The following LRBA variants were observed in gnomAD, a reference collection of about 807,000 sequenced individuals.
LRBA encodes LPS responsive beige-like anchor protein, also known as lipopolysaccharide-responsive and beige-like anchor protein.
LRBA carries 176 observed loss-of-function variants against 330.0 expected under a neutral mutation model. The observed-to-expected ratio is 0.53, with a 90% CI of 0.47 to 0.60. The LOEUF (loss-of-function observed/expected upper bound fraction) is 0.60. Ranked by LOEUF, LRBA falls within the 20% of genes least tolerant of loss-of-function variation. The pLI, the probability that LRBA is intolerant of heterozygous loss-of-function variation, is 0.00. For synonymous variants in LRBA, 1,230 were observed against 1,193.0 expected (o/e 1.03, Z -0.64); for missense variants, 3,259 against 3,444.8 (o/e 0.95, Z 1.35).
chr4:150,867,115 A>C (rs1752808965), intron 22 of LRBA, among the ~76,000 whole-genome samples: 1 of 149,342 alleles, frequency 6.7e-6, no homozygotes, highest in Non-Finnish European at 1.5e-5. Flanking sequence ...CTTAATTTAA[A>C]AAAAAAAAAA....
intron 2 of LRBA, among the ~76,000 whole-genome samples, chr4:150,992,263 C>T (rs1462218891): frequency 6.6e-6 from 1 of 150,662 alleles, no homozygotes; most frequent in African/African-American, 2.4e-5. Flanking sequence ...TTGCAGTGAG[C>T]CGAGACTACA....
intron 37 of LRBA, among the ~76,000 whole-genome samples, chr4:150,660,497 C>G (rs1382641972): frequency 1.3e-5 from 2 of 151,366 alleles, no homozygotes; most frequent in East Asian, 2.0e-4. Context: ...TCAGCCCCCC[C>G]CGCCCGGCCA....
chr4:150,956,823 T>G (rs1045430954), intron 2 of LRBA, among the ~76,000 whole-genome samples: 1 of 149,228 alleles, frequency 6.7e-6, no homozygotes, highest in African/African-American at 2.6e-5. Flanking sequence ...CCTTTCATTA[T>G]TAAAACACTT....
intron 22 of LRBA, among the ~76,000 whole-genome samples, chr4:150,862,793 G>A (rs1463833961): frequency 2.0e-5 from 3 of 151,616 alleles, no homozygotes; most frequent in Admixed American, 6.6e-5. Flanking sequence ...CCTGGGCAAC[G>A]TGGTGAAACC....
intron 52 of LRBA, among the ~76,000 whole-genome samples, chr4:150,306,624 C>A (rs568485580): frequency 6.7e-6 from 1 of 149,818 alleles, no homozygotes; most frequent in African/African-American, 2.5e-5. Flanking sequence ...CTTATTTGTA[C>A]GTTTTATACA....
chr4:150,602,003 A>C (rs2126526876), intron 37 of LRBA, among the ~76,000 whole-genome samples: 1 of 145,486 alleles, frequency 6.9e-6, no homozygotes, highest in Non-Finnish European at 1.5e-5. Context: ...TTCTATCAAT[A>C]ATTTTTTTAA....
chr4:150,741,018 A>T (rs1731887619), intron 35 of LRBA, among the ~76,000 whole-genome samples: 1 of 152,124 alleles, frequency 6.6e-6, no homozygotes. Context: ...CCAATTCCAA[A>T]TGAATCCTAG....
Position 150,450,229 on chromosome 4 carries a change from A to T in LRBA, c.6781-13365T>A, listed in dbSNP as rs1052996084. On this transcript the variant is annotated intron_variant, in intron 44 of 56. Coordinates refer to ENST00000651943, the MANE Select transcript of LRBA (RefSeq NM_001364905.1). ...ATGAAAAATGAATTCTTTTATCAAAAAAATAACAATTTGAAGAGTGTATGC... is the reference window on the plus strand; with the variant it reads ...ATGAAAAATGAATTCTTTTATCAAATAAATAACAATTTGAAGAGTGTATGC... 3.3e-5 allele frequency among the ~76,000 whole-genome samples: 5 copies of T among 152,236 alleles called. 1 individual carries two copies. The highest frequency in any genetic ancestry group is 4.1e-4 in the South Asian group (2 of 4,826).
intron 36 of LRBA, among the ~76,000 whole-genome samples, chr4:150,690,122 A>G (rs1783985769): frequency 6.6e-6 from 1 of 152,162 alleles, no homozygotes; most frequent in Non-Finnish European, 1.5e-5. Context: ...AACATTTTAA[A>G]AATTGATTTT....
chr4:150,297,107 T>C (rs1478260987), intron 53 of LRBA, among the ~76,000 whole-genome samples: 1 of 151,180 alleles, frequency 6.6e-6, no homozygotes, highest in African/African-American at 2.4e-5. Flanking sequence ...ATGAAGATAC[T>C]CAATCTGAGG....
intron 40 of LRBA, chr4:150,582,818 G>A: frequency 2.0e-6 from 1 of 500,642 alleles, no homozygotes; most frequent in Non-Finnish European, 3.4e-6. Flanking sequence ...TTCTTCTGCA[G>A]AAGAAAAGAG....
intron 38 of LRBA, 27 bp downstream of exon 38, chr4:150,598,980 T>C: frequency 1.2e-6 from 2 of 1,612,882 alleles, no homozygotes; most frequent in Non-Finnish European, 1.7e-6. Context: ...CCTGCTGCTA[T>C]TGGCAAGGAA....
chr4:150,957,658 A>G (rs1040341328), intron 2 of LRBA, among the ~76,000 whole-genome samples: 5 of 149,174 alleles, frequency 3.4e-5, no homozygotes, highest in East Asian at 3.9e-4. Context: ...GTCTCATCCA[A>G]GACAAGGCAA....
At chr4:150,266,565 C>T (rs896776920) in intron 56 of LRBA, among the ~76,000 whole-genome samples, 5 of 152,166 alleles carry the variant, frequency 3.3e-5, no homozygotes, top group African/African-American at 1.2e-4. Flanking sequence ...TATTCAGTAT[C>T]CTTCCTAGTA....
At chr4:150,833,601 C>G (rs1747544742) in intron 28 of LRBA, among the ~76,000 whole-genome samples, 1 of 152,094 alleles carries the variant, frequency 6.6e-6, no homozygotes, top group South Asian at 2.1e-4. Context: ...AAAAAAAACG[C>G]ACATAATTTA....
intron 28 of LRBA, among the ~76,000 whole-genome samples, chr4:150,839,280 A>G (rs1161380546): frequency 2.6e-5 from 4 of 152,222 alleles, no homozygotes; most frequent in Admixed American, 2.6e-4. Flanking sequence ...ACACTTTTAC[A>G]GTGTTGGTGG....
chr4:150,781,270 T>C (rs1738188629), intron 34 of LRBA, among the ~76,000 whole-genome samples: 2 of 152,328 alleles, frequency 1.3e-5, no homozygotes, highest in South Asian at 4.1e-4. Flanking sequence ...ACTCAGCTTG[T>C]TTTCCTGCAA....
intron 42 of LRBA, among the ~76,000 whole-genome samples, chr4:150,476,227 T>C (rs913692817): frequency 6.6e-6 from 1 of 152,154 alleles, no homozygotes; most frequent in African/African-American, 2.4e-5. Flanking sequence ...GATATGGGTG[T>C]TTAAAGCTGT....
chr4:150,595,913 A>C (rs901008605), intron 38 of LRBA, among the ~76,000 whole-genome samples: 2 of 151,956 alleles, frequency 1.3e-5, no homozygotes, highest in Non-Finnish European at 2.9e-5. Flanking sequence ...CATTGCTACC[A>C]ATTTCTAATA....
Sources: gnomAD v4.1 joint callset for allele counts (sites outside exome capture counted in the v4.1 genomes callset) on GRCh38, gnomAD v4.1.1 for gene constraint, MANE v1.5 for transcripts, NCBI Gene and HGNC (gene_info 2026-07-23, HGNC 2026-07-21) for gene names.